Variants in SPECC1 observed in about 807,000 individuals in gnomAD.
SPECC1 encodes the protein cytospin-B.
SPECC1 carries 62 observed loss-of-function variants against 104.1 expected under a neutral mutation model. The ratio of observed to expected loss-of-function variants is 0.60; its 90% CI spans 0.49 to 0.74. The LOEUF is 0.74. Ranked by LOEUF, SPECC1 falls within the 30% of genes least tolerant of loss-of-function variation. The pLI is 0.00. For missense variants in SPECC1, 1,306 were observed against 1,310.5 expected, an observed-to-expected ratio of 1.00 and a Z score of 0.05; for synonymous variants, 513 against 501.6, an observed-to-expected ratio of 1.02 and a Z score of -0.30.
intron 13 of SPECC1, among the ~76,000 whole-genome samples, chr17:20,299,370 A>G (rs1404497543): frequency 1.4e-5 from 2 of 144,528 alleles, no homozygotes; most frequent in Admixed American, 1.4e-4. Flanking sequence ...CCTAGGCAAC[A>G]TAGGCAGACC....
At chr17:20,220,175 A>G (rs1352961169) in intron 4 of SPECC1, among the ~76,000 whole-genome samples, 2 of 152,124 alleles carry the variant, frequency 1.3e-5, no homozygotes, top group East Asian at 1.9e-4. Flanking sequence ...TTGTGGTTCC[A>G]TATGACTTTT....
chr17:20,228,767 G>A (rs957347446), intron 5 of SPECC1, among the ~76,000 whole-genome samples: 5 of 152,102 alleles, frequency 3.3e-5, no homozygotes, highest in African/African-American at 9.7e-5. Context: ...CTTTGAATTG[G>A]GAAAGAAATT....
chr17:20,307,191 G>T (rs73309110), intron 14 of SPECC1, among the ~76,000 whole-genome samples: 125 of 152,312 alleles, frequency 8.2e-4, no homozygotes, highest in African/African-American at 2.9e-3. Context: ...TGGTAAGGTT[G>T]AATTAGTATG....
At chr17:20,146,685 A>T (rs1222200346) in intron 3 of SPECC1, among the ~76,000 whole-genome samples, 1 of 152,022 alleles carries the variant, frequency 6.6e-6, no homozygotes, top group Non-Finnish European at 1.5e-5. Flanking sequence ...GGCGGGTGGA[A>T]CATGAGGTCA....
intron 1 of SPECC1, among the ~76,000 whole-genome samples, chr17:20,037,488 CT>C (rs1240097367): frequency 0.016 from 2,305 of 141,304 alleles, 41 homozygotes; most frequent in African/African-American, 0.052. Context: ...TCCAGTGCTT[CT>C]TTTTTTTTTT....
chr17:20,316,541 G>C lies in SPECC1; in HGVS notation c.*2476G>C, dbSNP rs2142285798. The C allele has an allele frequency of 5.4e-6, 1 of 185,198 alleles. No homozygotes were observed. Among genetic ancestry groups the C allele is most frequent in the African/African-American group, 2.3e-5 (1 of 42,652 alleles). The allele number at this position is 185,198 out of a possible 1,614,324, so 11.5% of individuals were successfully genotyped here. A position where few individuals can be genotyped will look rare whatever the true frequency, so the allele number is the denominator to read the frequency against. On this transcript the variant is annotated 3_prime_UTR_variant, in exon 15 of 15. Coordinates refer to ENST00000395527, the MANE Select transcript of SPECC1 (RefSeq NM_001243439.2). The stretch of plus-strand genomic sequence containing the variant: ...ATCACCACACCCAGCTAATGTTTTT[G>C]TATTTTTAGTAAAGAGGGGGTTTCA...
intron 4 of SPECC1, among the ~76,000 whole-genome samples, chr17:20,208,902 C>T (rs2036957359): frequency 6.6e-6 from 1 of 152,116 alleles, no homozygotes; most frequent in Non-Finnish European, 1.5e-5. Context: ...TGGGCTCAAG[C>T]AATCCTCCCA....
intron 3 of SPECC1, among the ~76,000 whole-genome samples, chr17:20,174,755 T>C (rs1365613663): frequency 6.6e-6 from 1 of 152,126 alleles, no homozygotes; most frequent in African/African-American, 2.4e-5. Context: ...GGTGGCTCCC[T>C]GGCTGACCAC....
intron 3 of SPECC1, among the ~76,000 whole-genome samples, chr17:20,191,960 A>C (rs1048385398): frequency 1.3e-5 from 2 of 151,978 alleles, no homozygotes; most frequent in Admixed American, 1.3e-4. Flanking sequence ...TTATTGAGAC[A>C]GTGTCTCACT....
chr17:20,222,526 ATTAAC>A (rs2037948586), intron 4 of SPECC1, among the ~76,000 whole-genome samples: 1 of 152,166 alleles, frequency 6.6e-6, no homozygotes, highest in South Asian at 2.1e-4. Context: ...TTTCTGTCTT[ATTAAC>A]TTTTTGTTGT....
chr17:20,018,347 A>C (rs1407739362), intron 1 of SPECC1, among the ~76,000 whole-genome samples: 1 of 152,144 alleles, frequency 6.6e-6, no homozygotes, highest in Non-Finnish European at 1.5e-5. Flanking sequence ...AAATGTTTCT[A>C]CCATTCCATT....
At chr17:20,303,110 C>T (rs752781083) in intron 13 of SPECC1, among the ~76,000 whole-genome samples, 6 of 152,010 alleles carry the variant, frequency 3.9e-5, no homozygotes, top group South Asian at 2.1e-4. Flanking sequence ...ATTGGGGTAA[C>T]GCTCTAGAAA....
intron 4 of SPECC1, among the ~76,000 whole-genome samples, chr17:20,217,845 C>G (rs1327443178): frequency 6.6e-6 from 1 of 152,062 alleles, no homozygotes; most frequent in African/African-American, 2.4e-5. Context: ...GCCCGGGAGC[C>G]TGGGCAACAT....
At chr17:20,089,864 A>G (rs1265127760) in intron 1 of SPECC1, among the ~76,000 whole-genome samples, 3 of 152,208 alleles carry the variant, frequency 2.0e-5, no homozygotes, top group Non-Finnish European at 4.4e-5. Flanking sequence ...GAGGAGTCCA[A>G]GATGACTGAG....
At chr17:20,081,364 G>A (rs1367980244) in intron 1 of SPECC1, among the ~76,000 whole-genome samples, 2 of 152,222 alleles carry the variant, frequency 1.3e-5, no homozygotes, top group East Asian at 1.9e-4. Flanking sequence ...TTGTGTAAAC[G>A]AGTGAATTCC....
rs760503648 is a variant in SPECC1 at position 20,253,564 on chromosome 17, C to A, written c.2658C>A (p.Asp886Glu). 11 of 1,614,036 alleles carry A rather than the reference C, an allele frequency of 6.8e-6. No individual in the cohort carries two copies. The highest frequency in any genetic ancestry group is 4.2e-6 in the Non-Finnish European group (5 of 1,180,018). ...GCAGAGGGGTGACTCAACGCTTGGA[C>A]CTTCCTGACCTTCCCCTCTCAGGTA... is the stretch of plus-strand genomic sequence containing the variant. ...PASRGVTQRL[D>E]LPDLPLSDIL... The change falls in exon 10 of 15, where the codon GAC (aspartate) becomes GAA (glutamate). Residue 886 changes from aspartate (D) to glutamate (E), a missense_variant. Coordinates refer to ENST00000395527, the MANE Select transcript of SPECC1 (RefSeq NM_001243439.2).
chr17:20,195,665 C>T (rs1294195607), intron 3 of SPECC1, among the ~76,000 whole-genome samples: 2 of 151,600 alleles, frequency 1.3e-5, no homozygotes, highest in African/African-American at 4.9e-5. Context: ...TCAAACAGTT[C>T]TCCTGCCTCA....
At chr17:20,041,324 C>G (rs2045318540) in intron 1 of SPECC1, among the ~76,000 whole-genome samples, 1 of 151,996 alleles carries the variant, frequency 6.6e-6, no homozygotes, top group South Asian at 2.1e-4. Context: ...CTCACCGCAA[C>G]CTCCACCTCC....
chr17:20,220,431 A>G (rs2037801415), intron 4 of SPECC1, among the ~76,000 whole-genome samples: 1 of 152,116 alleles, frequency 6.6e-6, no homozygotes, highest in South Asian at 2.1e-4. Context: ...ACTCACAGCT[A>G]CTATAAATGG....
Sources: gnomAD v4.1 joint callset for allele counts (sites outside exome capture counted in the v4.1 genomes callset) on GRCh38, gnomAD v4.1.1 for gene constraint, MANE v1.5 for transcripts, NCBI Gene and HGNC (gene_info 2026-07-23, HGNC 2026-07-21) for gene names.